The following ABLIM1 variants were observed in gnomAD, a reference collection of about 807,000 sequenced individuals.
The protein encoded by ABLIM1 is actin binding LIM protein 1, also known as actin-binding LIM protein 1.
ABLIM1 carries 40 observed loss-of-function variants against 107.0 expected under a neutral mutation model. That is an observed-to-expected ratio of 0.37 (90% CI 0.29 to 0.49). The LOEUF is 0.49. ABLIM1 is among the 20% of genes least tolerant of loss of function. The pLI, the probability that ABLIM1 is intolerant of heterozygous loss-of-function variation, is 0.97. For synonymous variants in ABLIM1, 357 were observed against 357.3 expected (o/e 1.00, Z 0.01); for missense variants, 857 against 1,008.5 (o/e 0.85, Z 2.04).
intron 22 of ABLIM1, 34 bp from the exon 23 acceptor site, chr10:114,436,407 C>G (rs373834099): frequency 6.7e-7 from 1 of 1,503,502 alleles, no homozygotes; most frequent in Non-Finnish European, 9.2e-7. Context: ...GAGCTGCTGT[C>G]AGTCCTGATG....
At chr10:114,467,924 T>C (rs1234151863) in intron 11 of ABLIM1, among the ~76,000 whole-genome samples, 1 of 152,210 alleles carries the variant, frequency 6.6e-6, no homozygotes, top group Non-Finnish European at 1.5e-5. Context: ...TGCAGACACT[T>C]TGCTTCCACT....
chr10:114,547,917 C>A (rs1161077497), intron 4 of ABLIM1, 141 bp from the exon 5 acceptor site: 10 of 1,205,018 alleles, frequency 8.3e-6, no homozygotes, highest in Non-Finnish European at 1.1e-5. Context: ...AGTTTCTTTC[C>A]CTGCACAAAA....
At chr10:114,526,132 T>C (rs968514210) in intron 6 of ABLIM1, among the ~76,000 whole-genome samples, 5 of 152,194 alleles carry the variant, frequency 3.3e-5, no homozygotes, top group Non-Finnish European at 7.3e-5. Flanking sequence ...TTTGTTTCCT[T>C]ATTTTCATTT....
At chr10:114,686,785 T>C (rs985862671), upstream of ABLIM1, among the ~76,000 whole-genome samples, 3 of 151,700 alleles carry the variant, frequency 2.0e-5, no homozygotes, top group Admixed American at 6.6e-5. Context: ...TGTGCCACCA[T>C]GCCCGGCTAT....
intron 1 of ABLIM1, among the ~76,000 whole-genome samples, chr10:114,716,396 A>G (rs955199715): frequency 7.0e-6 from 1 of 143,088 alleles, no homozygotes; most frequent in African/African-American, 2.7e-5. Context: ...AGTGTTCTCA[A>G]ATTGGTAGAG....
the ABLIM1 span, among the ~76,000 whole-genome samples, chr10:114,791,574 C>T: frequency 1.3e-5 from 2 of 151,382 alleles, no homozygotes; most frequent in African/African-American, 4.9e-5. Flanking sequence ...GGAGGGGGAG[C>T]TTGCAGTGAG....
At chr10:114,445,266 A>G (rs1431623152) in intron 16 of ABLIM1, 46 bp downstream of exon 16, 1 of 1,518,464 alleles carries the variant, frequency 6.6e-7, no homozygotes, top group South Asian at 1.1e-5. Flanking sequence ...TATAGATCTT[A>G]TGTAACTAGC....
At chr10:114,611,651 G>T (rs2076819401) in intron 1 of ABLIM1, among the ~76,000 whole-genome samples, 2 of 152,190 alleles carry the variant, frequency 1.3e-5, no homozygotes, top group African/African-American at 4.8e-5. Flanking sequence ...CCAAGGCAAA[G>T]AGGTACTAGG....
At chr10:114,526,407 C>T (rs1262103020) in intron 6 of ABLIM1, among the ~76,000 whole-genome samples, 2 of 152,202 alleles carry the variant, frequency 1.3e-5, no homozygotes, top group African/African-American at 4.8e-5. Context: ...AAATAAATAA[C>T]CAGCCTTTCC....
chr10:114,529,190 TACTGGCTC>T (rs1183040824), intron 6 of ABLIM1, among the ~76,000 whole-genome samples: 1 of 151,450 alleles, frequency 6.6e-6, no homozygotes, highest in African/African-American at 2.4e-5. Context: ...AGTGGTGCGA[TACTGGCTC>T]ACTGCAACCT....
At chr10:114,774,265 G>A in the ABLIM1 span, among the ~76,000 whole-genome samples, 5 of 152,162 alleles carry the variant, frequency 3.3e-5, no homozygotes, top group African/African-American at 9.7e-5. Context: ...AGGCAGCCCA[G>A]GACAGTGGTT....
chr10:114,520,871 G>A (rs1209501716), intron 6 of ABLIM1, among the ~76,000 whole-genome samples: 6 of 152,084 alleles, frequency 3.9e-5, no homozygotes, highest in Non-Finnish European at 8.8e-5. Flanking sequence ...CCGGGACTCA[G>A]GAGACTGAGG....
At chr10:114,704,296 C>A (rs1177259986) in intron 1 of ABLIM1, among the ~76,000 whole-genome samples, 108 of 28,806 alleles carry the variant, frequency 3.7e-3, no homozygotes, top group South Asian at 5.7e-3. Flanking sequence ...CTCTCTCTCT[C>A]TCTCTCTATA....
intron 16 of ABLIM1, 106 bp downstream of exon 16, chr10:114,445,206 A>G (rs2060830347): frequency 8.9e-6 from 9 of 1,007,020 alleles, no homozygotes; most frequent in Non-Finnish European, 1.2e-5. Context: ...GAAGACTGGG[A>G]CCACCTCTTG....
chr10:114,587,459 T>C (rs1037766246), intron 2 of ABLIM1, among the ~76,000 whole-genome samples: 6 of 152,194 alleles, frequency 3.9e-5, no homozygotes, highest in East Asian at 1.9e-4. Flanking sequence ...TTTCCACAGA[T>C]GCCCAGTGTT....
rs1173896813 is a variant in ABLIM1, at chr10:114,498,683, T to C, written c.895-6805A>G. Among the ~76,000 whole-genome samples, 3 of 152,228 alleles carry C rather than the reference T, an allele frequency of 2.0e-5. No individual in the cohort carries two copies. The East Asian group carries it at 5.8e-4, about 29-fold the overall frequency. The stretch of plus-strand genomic sequence containing the variant: ...CCTACTTTCAAAAAGGACTGGCTGA[T>C]TCTTATCAGAGAAGGACATGATTTT... On this transcript the variant is annotated intron_variant, in intron 6 of 22. Transcript: ENST00000533213.
At chr10:114,624,397 T>G (rs1463657016) in intron 1 of ABLIM1, among the ~76,000 whole-genome samples, 1 of 152,220 alleles carries the variant, frequency 6.6e-6, no homozygotes, top group Non-Finnish European at 1.5e-5. Context: ...TCTCTTGCAG[T>G]ACATCTTCTG....
At chr10:114,745,755 C>A (rs1389361026) in intron 1 of ABLIM1, among the ~76,000 whole-genome samples, 1 of 152,134 alleles carries the variant, frequency 6.6e-6, no homozygotes, top group Non-Finnish European at 1.5e-5. Flanking sequence ...GTAGGAGAAT[C>A]GCTTGAACCC....
chr10:114,690,437 T>C (rs1196824537), intron 1 of ABLIM1: 2 of 1,603,772 alleles, frequency 1.2e-6, no homozygotes, highest in Non-Finnish European at 1.7e-6. Context: ...CATTATGGCG[T>C]GTGAAGTCAC....
Sources: gnomAD v4.1 joint callset for allele counts (sites outside exome capture counted in the v4.1 genomes callset) on GRCh38, gnomAD v4.1.1 for gene constraint, MANE v1.5 for transcripts, NCBI Gene and HGNC (gene_info 2026-07-23, HGNC 2026-07-21) for gene names.